MYT1L: variants seen among roughly 807,000 people sequenced by gnomAD.
MYT1L encodes the protein myelin transcription factor 1 like, also known as myelin transcription factor 1-like protein.
MYT1L carries 12 observed loss-of-function variants against 126.7 expected under a neutral mutation model. The observed-to-expected ratio is 0.09, with a 90% CI of 0.06 to 0.15. The LOEUF is 0.15. Among genes scored for constraint, MYT1L ranks in the 10% least tolerant of loss-of-function variants. MYT1L has a pLI of 1.00. For synonymous variants in MYT1L, 541 were observed against 604.2 expected (o/e 0.90, Z 1.53); for missense variants, 979 against 1,585.2 (o/e 0.62, Z 6.49).
Position 2,063,570 on chromosome 2 carries a change from G to A in MYT1L, c.-303-9447C>T, listed in dbSNP as rs147028703. ...ATTAAAAAAAAGAACATGGCCAGGC[G>A]CAGCGGCTCACGCCTGTAATCCCAG... is the stretch of plus-strand genomic sequence containing the variant. On this transcript the variant is annotated intron_variant, in intron 3 of 24. Coordinates refer to ENST00000647738, the MANE Select transcript of MYT1L (RefSeq NM_001303052.2). 2.6e-3 allele frequency among the ~76,000 whole-genome samples: 394 copies of A among 152,256 alleles called. 14 individuals are homozygous for A. In the East Asian group the frequency reaches 0.065, roughly 25 times the overall value.
intron 3 of MYT1L, among the ~76,000 whole-genome samples, chr2:2,140,477 C>T (rs1188139713): frequency 6.9e-6 from 1 of 144,182 alleles, no homozygotes; most frequent in African/African-American, 2.6e-5. Context: ...CTCTGTTGCC[C>T]AGGCTGGAGT....
intron 8 of MYT1L, among the ~76,000 whole-genome samples, chr2:1,973,843 G>T (rs1036841552): frequency 6.6e-6 from 1 of 152,164 alleles, no homozygotes; most frequent in African/African-American, 2.4e-5. Flanking sequence ...AGCTCCCCAG[G>T]CCTCCCACAC....
chr2:2,289,861 C>T (rs996482932), intron 1 of MYT1L, among the ~76,000 whole-genome samples: 3 of 152,210 alleles, frequency 2.0e-5, no homozygotes, highest in Non-Finnish European at 4.4e-5. Context: ...CTCCAGTTCA[C>T]CTGTGTCATG....
At chr2:1,920,755 A>G (rs2053464309) in intron 10 of MYT1L, among the ~76,000 whole-genome samples, 1 of 152,236 alleles carries the variant, frequency 6.6e-6, no homozygotes, top group South Asian at 2.1e-4. Context: ...CGATGATGGC[A>G]CTATAATTTT....
At chr2:2,199,527 G>A (rs147016002) in intron 2 of MYT1L, among the ~76,000 whole-genome samples, 118 of 152,258 alleles carry the variant, frequency 7.7e-4, no homozygotes, top group African/African-American at 2.7e-3. Flanking sequence ...AAAGGGTGAG[G>A]GTCTCAGGAC....
At chr2:1,802,713 T>C (rs533699333) in intron 22 of MYT1L, among the ~76,000 whole-genome samples, 1 of 152,346 alleles carries the variant, frequency 6.6e-6, no homozygotes, top group East Asian at 1.9e-4. Context: ...GTCTGGTTAC[T>C]GGCAACATTA....
intron 21 of MYT1L, among the ~76,000 whole-genome samples, chr2:1,821,648 G>C (rs2038540864): frequency 6.6e-6 from 1 of 152,208 alleles, no homozygotes; most frequent in Non-Finnish European, 1.5e-5. Flanking sequence ...AGTGGCCGGA[G>C]TCCTTGGCTG....
At chr2:2,286,678 G>A (rs1031989438) in intron 1 of MYT1L, among the ~76,000 whole-genome samples, 1 of 152,080 alleles carries the variant, frequency 6.6e-6, no homozygotes, top group African/African-American at 2.4e-5. Flanking sequence ...GGCCTCACAT[G>A]GTTTGCTACA....
chr2:1,807,396 A>T (rs1558612587), intron 22 of MYT1L, among the ~76,000 whole-genome samples: 1 of 151,954 alleles, frequency 6.6e-6, no homozygotes, highest in East Asian at 1.9e-4. Context: ...GGAGCTGCTC[A>T]GGTGTGGCTC....
intron 8 of MYT1L, among the ~76,000 whole-genome samples, chr2:1,975,883 T>C (rs1344249584): frequency 6.6e-6 from 1 of 152,058 alleles, no homozygotes; most frequent in African/African-American, 2.4e-5. Flanking sequence ...CTAAACTAAA[T>C]GGCTGGCATC....
chr2:2,215,785 C>T (rs1348914825), intron 2 of MYT1L, among the ~76,000 whole-genome samples: 1 of 152,096 alleles, frequency 6.6e-6, no homozygotes, highest in African/African-American at 2.4e-5. Context: ...GATATTTGTC[C>T]CTGCCCAAAT....
chr2:1,827,765 C>T (rs1461036841), intron 21 of MYT1L: 1 of 152,134 alleles, frequency 6.6e-6, no homozygotes, highest in Non-Finnish European at 1.5e-5. Context: ...GAGCGAGGAC[C>T]CCTCCCCTCC....
At chr2:2,090,145 G>T (rs920444423) in intron 3 of MYT1L, among the ~76,000 whole-genome samples, 1 of 152,198 alleles carries the variant, frequency 6.6e-6, no homozygotes, top group African/African-American at 2.4e-5. Flanking sequence ...ATTGCTCCTG[G>T]AGTAAATGCA....
chr2:2,229,252 G>A (rs982320588), intron 2 of MYT1L, among the ~76,000 whole-genome samples: 2 of 151,784 alleles, frequency 1.3e-5, no homozygotes, highest in African/African-American at 4.8e-5. Flanking sequence ...TTCTAGATCT[G>A]CTTCATTCTT....
chr2:1,855,278 C>T (rs1179891273), intron 18 of MYT1L, among the ~76,000 whole-genome samples: 1 of 152,184 alleles, frequency 6.6e-6, no homozygotes, highest in Non-Finnish European at 1.5e-5. Context: ...ACGGGCGTGG[C>T]GTGAAATCGA....
At chr2:2,039,476 AATTAGTCAGAACCTCCG>A (rs1229017569) in intron 4 of MYT1L, among the ~76,000 whole-genome samples, 2 of 152,212 alleles carry the variant, frequency 1.3e-5, no homozygotes, top group Non-Finnish European at 2.9e-5. Flanking sequence ...TAAATTAGTA[AATTAGTCAGAACCTCCG>A]TTTCCTGACT....
intron 18 of MYT1L, among the ~76,000 whole-genome samples, chr2:1,879,551 A>C (rs2047295758): frequency 6.6e-6 from 1 of 152,204 alleles, no homozygotes; most frequent in Non-Finnish European, 1.5e-5. Flanking sequence ...CAAACAATGT[A>C]ACATGTCTCA....
At chr2:2,203,955 C>T (rs1396407991) in intron 2 of MYT1L, among the ~76,000 whole-genome samples, 1 of 152,144 alleles carries the variant, frequency 6.6e-6, no homozygotes, top group African/African-American at 2.4e-5. Flanking sequence ...GAAATAATGA[C>T]ACATATCTAC....
At chr2:2,289,311 T>A (rs1452184314) in intron 1 of MYT1L, among the ~76,000 whole-genome samples, 3 of 152,212 alleles carry the variant, frequency 2.0e-5, no homozygotes, top group Non-Finnish European at 2.9e-5. Context: ...TACCTATTTA[T>A]AATTTTTAGG....
Sources: allele counts gnomAD v4.1 joint callset (sites outside exome capture counted in the v4.1 genomes callset), GRCh38; gene constraint gnomAD v4.1.1; transcripts MANE v1.5; gene names NCBI Gene and HGNC (gene_info 2026-07-23, HGNC 2026-07-21).